The following TRA2B variants were observed in gnomAD, a reference collection of about 807,000 sequenced individuals.
The protein encoded by TRA2B is transformer 2 beta homolog.
In TRA2B, 14 loss-of-function variants were observed where a neutral mutation model predicts 41.7. The ratio of observed to expected loss-of-function variants is 0.34; its 90% confidence interval spans 0.22 to 0.53. The LOEUF is 0.53. TRA2B is among the 20% of genes least tolerant of loss of function. TRA2B has a pLI of 0.95. For synonymous variants in TRA2B, 130 were observed against 128.8 expected (o/e 1.01, Z -0.06); for missense variants, 167 against 396.8 (o/e 0.42, Z 4.92).
chr3:185,936,925 C>T, intron 1 of TRA2B: 1 of 985,338 alleles, frequency 1.0e-6, no homozygotes, highest in Non-Finnish European at 1.2e-6. Context: ...GAGGTGGAAA[C>T]TTAAGGGAAA....
intron 7 of TRA2B, among the ~76,000 whole-genome samples, chr3:185,919,002 T>C (rs1246801532): frequency 6.6e-6 from 1 of 152,014 alleles, no homozygotes; most frequent in Non-Finnish European, 1.5e-5. Flanking sequence ...ATGAGAAAAT[T>C]CCCATACCAT....
At chr3:185,926,085 G>A (rs949000477) in intron 2 of TRA2B, among the ~76,000 whole-genome samples, 1 of 151,828 alleles carries the variant, frequency 6.6e-6, no homozygotes, top group Non-Finnish European at 1.5e-5. Flanking sequence ...TCGAAACGAG[G>A]ACACACATTT....
chr3:185,924,793 CAG>C (rs946163077), intron 3 of TRA2B: 4 of 151,294 alleles, frequency 2.6e-5, no homozygotes, highest in African/African-American at 9.8e-5. Context: ...GACTGGGCGA[CAG>C]AGTGAGGCCC....
Position 185,917,163 on chromosome 3 carries a change from C to A in TRA2B, c.*552G>T, listed in dbSNP as rs1743531083. The stretch of plus-strand genomic sequence containing the variant: ...TGGCTGTATTTTAAGATTTTTAGTT[C>A]TAATACTAGCAGTACAGAGTTACAG... On this transcript the variant is annotated 3_prime_UTR_variant, in exon 9 of 9. Transcript: ENST00000453386. 6.6e-6 allele frequency: 1 copy of A among 152,310 alleles called. No individual in the cohort carries two copies. The highest frequency in any genetic ancestry group is 1.5e-5 in the Non-Finnish European group (1 of 68,148). 9.4% of individuals were successfully genotyped at this position (152,310 alleles called of 1,614,324 possible).
intron 5 of TRA2B, 108 bp from the exon 6 acceptor site, chr3:185,921,295 T>C (rs1001007446): frequency 3.6e-5 from 34 of 936,504 alleles, no homozygotes; most frequent in Admixed American, 7.7e-5. Flanking sequence ...TGAAAATTAT[T>C]CCTGTTAAAA....
In TRA2B at chr3:185,922,143, A is replaced by C. The variant is rs1297855766; in HGVS notation, c.523-17T>G. ...TTCTTTAGCCTTCAAAAGGTAAATA[A>C]ATTGTTACATACATCCTGAACAAAG... is the stretch of plus-strand genomic sequence containing the variant. On this transcript the variant is annotated splice_polypyrimidine_tract_variant and intron_variant, in intron 4 of 8. Coordinates refer to ENST00000453386, the MANE Select transcript of TRA2B (RefSeq NM_004593.3). 5 of 1,587,756 alleles carry C rather than the reference A, an allele frequency of 3.1e-6. No homozygotes were observed. Among genetic ancestry groups the C allele is most frequent in the Non-Finnish European group, 4.3e-6 (5 of 1,157,646 alleles).
chr3:185,936,041 C>T, intron 1 of TRA2B: 1 of 985,372 alleles, frequency 1.0e-6, no homozygotes. Flanking sequence ...CAAACTGGAA[C>T]CTAGTTTCAA....
At chr3:185,917,983 C>T (rs983372315) in intron 8 of TRA2B, among the ~76,000 whole-genome samples, 8 of 151,990 alleles carry the variant, frequency 5.3e-5, no homozygotes, top group African/African-American at 1.9e-4. Flanking sequence ...TCTGTGCTGT[C>T]CAAAAATTTT....
rs193115152 is a variant in TRA2B at position 185,915,139 on chromosome 3, T to C, written c.*2576A>G. ...CTGACAGGCGGCGGAGCTCAGGCAATCCATGGCCAGGAGATCGGAAACCCC... is the reference window on the plus strand; with the variant it reads ...CTGACAGGCGGCGGAGCTCAGGCAACCCATGGCCAGGAGATCGGAAACCCC... On this transcript the variant is annotated 3_prime_UTR_variant, in exon 9 of 9. Transcript: ENST00000453386. 9.9e-5 allele frequency among the ~76,000 whole-genome samples: 15 copies of C among 152,128 alleles called. No individual in the cohort carries two copies. The highest frequency in any genetic ancestry group is 3.4e-4 in the African/African-American group (14 of 41,554).
intron 1 of TRA2B, chr3:185,936,120 C>A (rs1477897503): frequency 3.0e-6 from 3 of 985,108 alleles, no homozygotes; most frequent in South Asian, 4.7e-5. Context: ...GCATTCTTCA[C>A]GTGTATTCAA....
In TRA2B at chr3:185,915,489, C is replaced by G. The variant is rs1322162270; in HGVS notation, c.*2226G>C. The stretch of plus-strand genomic sequence containing the variant: ...GGTTACCTACGGGTAACTGCTGCCT[C>G]CCTTTCATGAAACTGGCGACTAGCA... On this transcript the variant is annotated 3_prime_UTR_variant, in exon 9 of 9. Coordinates refer to ENST00000453386, the MANE Select transcript of TRA2B (RefSeq NM_004593.3). Among the ~76,000 whole-genome samples the G allele has an allele frequency of 6.6e-6, 1 of 152,152 alleles. No individual in the cohort carries two copies. The highest frequency in any genetic ancestry group is 1.5e-5 in the Non-Finnish European group (1 of 68,020).
intron 8 of TRA2B, among the ~76,000 whole-genome samples, 167 bp downstream of exon 8, chr3:185,918,198 A>C (rs990333538): frequency 1.3e-5 from 2 of 152,218 alleles, no homozygotes; most frequent in African/African-American, 4.8e-5. Context: ...TAGGATTCTA[A>C]GGGTTGTTTC....
At position 185,919,636 on chromosome 3, in the gene TRA2B, T is replaced by TA. The variant is rs1217623939; in HGVS notation, c.723-141dup. 7 of 654,016 alleles carry TA rather than the reference T, an allele frequency of 1.1e-5. No homozygotes were observed. The African/African-American group carries it at 1.3e-4, about 12-fold the overall frequency. 40.5% of individuals were successfully genotyped at this position (654,016 alleles called of 1,614,324 possible). A position where few individuals can be genotyped will look rare whatever the true frequency, so the allele number is the denominator to read the frequency against. On this transcript the variant is annotated intron_variant, in intron 6 of 8. Coordinates refer to ENST00000453386, the MANE Select transcript of TRA2B (RefSeq NM_004593.3). ...AGGTCAAGTGATTTGCCACCCTTTT[T>TA]AGAAACTGGCATAGGGTTCTCTCTG...
chr3:185,917,316 TAGAA>T lies in TRA2B; in HGVS notation c.*395_*398del, dbSNP rs1031107446. ...ATAGTTCTGCTAAGCATTGATATGT[TAGAA>T]AGAAAAGTAAAAATCAAACTGTTTA... On this transcript the variant is annotated 3_prime_UTR_variant, in exon 9 of 9. Transcript: ENST00000453386. The T allele has an allele frequency of 1.7e-4, 31 of 183,740 alleles. No homozygotes were observed. Among genetic ancestry groups the T allele is most frequent in the South Asian group, 1.4e-3 (9 of 6,390 alleles). The allele number at this position is 183,740 out of a possible 1,614,324, so 11.4% of individuals were successfully genotyped here. A position where few individuals can be genotyped will look rare whatever the true frequency, so the allele number is the denominator to read the frequency against.
chr3:185,924,070 T>G, intron 3 of TRA2B, 86 bp from the exon 4 acceptor site: 1 of 1,194,784 alleles, frequency 8.4e-7, no homozygotes, highest in Non-Finnish European at 1.2e-6. Context: ...CTAGCCAAAA[T>G]GTCACTAACA....
At chr3:185,925,931 G>A (rs951211549) in intron 2 of TRA2B, among the ~76,000 whole-genome samples, 3 of 152,078 alleles carry the variant, frequency 2.0e-5, no homozygotes, top group African/African-American at 7.2e-5. Context: ...TTCCCCCTCA[G>A]AAGACCATTC....
At position 185,923,904 on chromosome 3, in the gene TRA2B, G is replaced by A; in HGVS notation, c.414C>T (p.Phe138=). The A allele has an allele frequency of 6.2e-7, 1 of 1,614,010 alleles. No individual in the cohort carries two copies. Among genetic ancestry groups the A allele is most frequent in the Non-Finnish European group, 8.5e-7 (1 of 1,179,982 alleles). Residue 138 remains phenylalanine (F), a synonymous_variant, in exon 4 of 9, where the codon TTC becomes TTT. Coordinates refer to ENST00000453386, the MANE Select transcript of TRA2B (RefSeq NM_004593.3). ...YTTERDLREV[F]SKYGPIADVS... ...CATCGGCAATGGGACCATATTTAGA[G>A]AACACTTCTCTTAGATCTCTTTCTG...
intron 1 of TRA2B, chr3:185,928,711 A>T (rs1457002176): frequency 6.6e-6 from 1 of 152,252 alleles, no homozygotes; most frequent in Non-Finnish European, 1.5e-5. Flanking sequence ...GAAATGAAAC[A>T]ATTTTCTCCA....
chr3:185,936,657 G>A (rs1370999288), intron 1 of TRA2B: 6 of 983,284 alleles, frequency 6.1e-6, no homozygotes, highest in South Asian at 4.7e-5. Context: ...CCAACAAGGG[G>A]AAACTTAGGT....
Sources: gnomAD v4.1 joint callset for allele counts (sites outside exome capture counted in the v4.1 genomes callset) on GRCh38, gnomAD v4.1.1 for gene constraint, MANE v1.5 for transcripts, NCBI Gene and HGNC (gene_info 2026-07-23, HGNC 2026-07-21) for gene names.